Variants in SGCD observed in about 807,000 individuals in gnomAD.
The protein encoded by SGCD is delta-sarcoglycan.
Under a neutral mutation model 36.6 loss-of-function variants are expected in SGCD, and 18 were observed. That is an observed-to-expected ratio of 0.49 (90% CI 0.34 to 0.73). The LOEUF (loss-of-function observed/expected upper bound fraction) is 0.73. Among genes scored for constraint, SGCD ranks in the 30% least tolerant of loss-of-function variants. The probability of loss-of-function intolerance (pLI) is 0.01; values close to 1 mark genes in which losing one functional copy is unlikely to be tolerated. For synonymous variants in SGCD, 133 were observed against 130.6 expected (o/e 1.02, Z -0.12); for missense variants, 387 against 346.7 (o/e 1.12, Z -0.92).
chr5:155,843,823 G>A, the SGCD span, among the ~76,000 whole-genome samples: 1 of 152,276 alleles, frequency 6.6e-6, no homozygotes, highest in African/African-American at 2.4e-5. Flanking sequence ...TGGCTGCCTA[G>A]TTCTTGGTCC....
the SGCD span, among the ~76,000 whole-genome samples, chr5:155,737,851 T>C: frequency 2.0e-4 from 31 of 152,272 alleles, no homozygotes; most frequent in Non-Finnish European, 1.5e-4. Context: ...TTTAGTGAGA[T>C]TTAAGTGATA....
At chr5:155,777,462 T>C in the SGCD span, among the ~76,000 whole-genome samples, 1 of 151,890 alleles carries the variant, frequency 6.6e-6, no homozygotes, top group African/African-American at 2.4e-5. Flanking sequence ...GCTCAAGCAG[T>C]CCTCCCACCT....
At chr5:155,946,788 G>A (rs1056476472) in intron 1 of SGCD, among the ~76,000 whole-genome samples, 1 of 152,222 alleles carries the variant, frequency 6.6e-6, no homozygotes, top group Non-Finnish European at 1.5e-5. Context: ...AGACAGAACT[G>A]TATATGATTT....
In SGCD at chr5:156,381,973, T is replaced by C. The variant is rs547121103; in HGVS notation, c.192+37296T>C. 2.6e-5 allele frequency among the ~76,000 whole-genome samples: 4 copies of C among 152,364 alleles called. No individual in the cohort carries two copies. The East Asian group carries it at 7.7e-4, about 29-fold the overall frequency. On this transcript the variant is annotated intron_variant, in intron 3 of 8. Coordinates refer to ENST00000337851, the MANE Select transcript of SGCD (RefSeq NM_000337.6). Reference sequence around the variant, plus strand: ...CACTTAACACATAGTAAGTGGTCAATGTATGTTTTTATTATTATCATAAAC... The same window carrying C: ...CACTTAACACATAGTAAGTGGTCAACGTATGTTTTTATTATTATCATAAAC...
chr5:156,669,211 G>A (rs1404059341), intron 7 of SGCD, among the ~76,000 whole-genome samples: 6 of 152,056 alleles, frequency 3.9e-5, no homozygotes, highest in East Asian at 1.9e-4. Context: ...GCAGCTGATC[G>A]TCAGTGGGCA....
intron 7 of SGCD, among the ~76,000 whole-genome samples, chr5:156,666,980 A>G (rs1427466013): frequency 6.6e-6 from 1 of 152,126 alleles, no homozygotes; most frequent in Non-Finnish European, 1.5e-5. Context: ...AAATTAAAAA[A>G]CCATGCAGGT....
At chr5:156,013,108 C>T (rs1758895324) in intron 1 of SGCD, among the ~76,000 whole-genome samples, 1 of 151,572 alleles carries the variant, frequency 6.6e-6, no homozygotes, top group Admixed American at 6.6e-5. Context: ...TCACTGCAAC[C>T]TCTGTCTCCC....
intron 3 of SGCD, among the ~76,000 whole-genome samples, chr5:156,384,883 C>A (rs555203571): frequency 2.0e-5 from 3 of 152,244 alleles, no homozygotes; most frequent in South Asian, 2.1e-4. Flanking sequence ...TTATTGAAAG[C>A]CAGTTATTCC....
chr5:156,373,411 A>T (rs1303032172), intron 3 of SGCD, among the ~76,000 whole-genome samples: 1 of 152,202 alleles, frequency 6.6e-6, no homozygotes, highest in Non-Finnish European at 1.5e-5. Context: ...TAATCACTTA[A>T]AAGTAAGTAA....
chr5:156,561,483 C>T (rs552328442), intron 4 of SGCD, among the ~76,000 whole-genome samples: 108 of 152,316 alleles, frequency 7.1e-4, no homozygotes, highest in Non-Finnish European at 1.2e-3. Flanking sequence ...CTATAAGCAA[C>T]GCAGTGAAAC....
chr5:156,466,043 A>ATTTC (rs1344884628), intron 3 of SGCD, among the ~76,000 whole-genome samples: 3 of 152,150 alleles, frequency 2.0e-5, no homozygotes, highest in Non-Finnish European at 4.4e-5. Context: ...CAAATCTCTC[A>ATTTC]TTTCTGTGCA....
At chr5:156,345,594 G>A (rs1232729548) in intron 3 of SGCD, among the ~76,000 whole-genome samples, 1 of 152,156 alleles carries the variant, frequency 6.6e-6, no homozygotes, top group South Asian at 2.1e-4. Flanking sequence ...GGGAGGCTGA[G>A]TTGGGAGGAT....
At chr5:156,176,226 C>A (rs573033063) in intron 3 of SGCD, among the ~76,000 whole-genome samples, 1 of 152,126 alleles carries the variant, frequency 6.6e-6, no homozygotes, top group African/African-American at 2.4e-5. Flanking sequence ...GTAGTGCGTT[C>A]TCCTATTTTA....
At chr5:156,073,373 C>A (rs1760649141) in intron 1 of SGCD, among the ~76,000 whole-genome samples, 1 of 152,114 alleles carries the variant, frequency 6.6e-6, no homozygotes, top group Admixed American at 6.6e-5. Flanking sequence ...GCCTGGGCAA[C>A]ATAGTGAGAC....
chr5:155,773,002 A>C, the SGCD span, among the ~76,000 whole-genome samples: 1 of 152,142 alleles, frequency 6.6e-6, no homozygotes, highest in East Asian at 1.9e-4. Flanking sequence ...CGAAGTAAGT[A>C]AGCACTCTCT....
intron 2 of SGCD, among the ~76,000 whole-genome samples, chr5:156,122,743 G>A (rs1384430842): frequency 6.7e-6 from 1 of 149,644 alleles, no homozygotes; most frequent in African/African-American, 2.5e-5. Context: ...CTCTTACATG[G>A]GTCTGGTGGA....
intron 3 of SGCD, among the ~76,000 whole-genome samples, chr5:156,197,302 T>G (rs1216533648): frequency 6.6e-6 from 1 of 152,152 alleles, no homozygotes; most frequent in Non-Finnish European, 1.5e-5. Context: ...AATGAGGACA[T>G]GCATTTCCCA....
chr5:155,785,546 C>A, the SGCD span, among the ~76,000 whole-genome samples: 1 of 152,132 alleles, frequency 6.6e-6, no homozygotes, highest in Non-Finnish European at 1.5e-5. Flanking sequence ...ACCCACTGGC[C>A]ATACTCTCCC....
chr5:156,257,196 C>T (rs1193024390), intron 3 of SGCD, among the ~76,000 whole-genome samples: 1 of 120,326 alleles, frequency 8.3e-6, no homozygotes, highest in Non-Finnish European at 1.8e-5. Flanking sequence ...AATAAAAGGC[C>T]AGGCGCAGTG....
Sources: allele counts gnomAD v4.1 joint callset (sites outside exome capture counted in the v4.1 genomes callset), GRCh38; gene constraint gnomAD v4.1.1; transcripts MANE v1.5; gene names NCBI Gene and HGNC (gene_info 2026-07-23, HGNC 2026-07-21).